FKRP: variants seen among roughly 807,000 people sequenced by gnomAD.
FKRP encodes the protein fukutin related protein.
In FKRP, 25 loss-of-function variants were observed where a neutral mutation model predicts 30.6. The observed-to-expected ratio is 0.82, with a 90% CI of 0.60 to 1.14. The LOEUF (loss-of-function observed/expected upper bound fraction) is 1.14. FKRP is among the 50% of genes most tolerant of loss of function. The probability of loss-of-function intolerance (pLI) is 0.00; values close to 1 mark genes in which losing one functional copy is unlikely to be tolerated. For missense variants in FKRP, 771 were observed against 727.8 expected, an observed-to-expected ratio of 1.06 and a Z score of -0.68; for synonymous variants, 358 against 342.5, an observed-to-expected ratio of 1.05 and a Z score of -0.50.
Position 46,758,458 on chromosome 19 carries a change from A to C in FKRP, c.*1520A>C, listed in dbSNP as rs948415246. 6.0e-6 allele frequency: 1 copy of C among 167,018 alleles called. No individual in the cohort carries two copies. The highest frequency in any genetic ancestry group is 2.4e-5 in the African/African-American group (1 of 41,420). 10.3% of individuals were successfully genotyped at this position (167,018 alleles called of 1,614,324 possible). On this transcript the variant is annotated 3_prime_UTR_variant, in exon 4 of 4. Coordinates refer to ENST00000318584, the MANE Select transcript of FKRP (RefSeq NM_024301.5). The stretch of plus-strand genomic sequence containing the variant: ...TACTATTATCTGTATGTTAGTAATA[A>C]AGCTTAAATTATTCCATTTTAAAAT...
rs1296390581 is a variant in FKRP, at chr19:46,746,087, G to A, written c.-256G>A. On this transcript the variant is annotated 5_prime_UTR_variant, in exon 1 of 4. Coordinates refer to ENST00000318584, the MANE Select transcript of FKRP (RefSeq NM_024301.5). ...CTCCAAGATGGCGGCGGCGGCGGCA[G>A]CGGGTGAGGCCGGGCCGGGCCGGGC... 3.4e-5 allele frequency: 45 copies of A among 1,310,382 alleles called. No homozygotes were observed. Among genetic ancestry groups the A allele is most frequent in the Non-Finnish European group, 4.1e-5 (42 of 1,023,664 alleles). The allele number at this position is 1,310,382 out of a possible 1,614,324, so 81.2% of individuals were successfully genotyped here. A position where few individuals can be genotyped will look rare whatever the true frequency, so the allele number is the denominator to read the frequency against.
rs1023194417 is a variant in FKRP at position 46,757,701 on chromosome 19, T to G, written c.*763T>G. 6.0e-6 allele frequency: 1 copy of G among 167,420 alleles called. No homozygotes were observed. 10.4% of individuals were successfully genotyped at this position (167,420 alleles called of 1,614,324 possible). The stretch of plus-strand genomic sequence containing the variant: ...ACCTGCATGCTACTCTTAACTGTTC[T>G]ATTCAAGACTGAATAGAAGTATTTC... On this transcript the variant is annotated 3_prime_UTR_variant, in exon 4 of 4. Transcript: ENST00000318584.
At chr19:46,746,218 A>G (rs2054603979) in intron 1 of FKRP, 128 bp downstream of exon 1, 3 of 1,536,604 alleles carry the variant, frequency 2.0e-6, no homozygotes. Context: ...CGTGCTGGAT[A>G]AAGTGCAGGA....
chr19:46,745,314 C>T (rs1472480019), upstream of FKRP, among the ~76,000 whole-genome samples: 1 of 152,150 alleles, frequency 6.6e-6, no homozygotes, highest in East Asian at 1.9e-4. Context: ...CATCCAGGCT[C>T]CTAGGGTACA....
intron 3 of FKRP, among the ~76,000 whole-genome samples, chr19:46,751,826 C>T (rs1266708572): frequency 6.6e-6 from 1 of 152,142 alleles, no homozygotes; most frequent in Non-Finnish European, 1.5e-5. Flanking sequence ...CTCGCCCTCC[C>T]AAAGTGCTGG....
Position 46,757,099 on chromosome 19 carries a change from G to A in FKRP, c.*161G>A, listed in dbSNP as rs1364217311. The A allele has an allele frequency of 7.2e-6, 7 of 971,996 alleles. No homozygotes were observed. In the East Asian group the frequency reaches 1.8e-4, roughly 26 times the overall value. 60.2% of individuals were successfully genotyped at this position (971,996 alleles called of 1,614,324 possible). ...CATGAGAGAAGGCTGGCATTGGCAG[G>A]AGGAGAGCACCAGGACGAGGATGGG... On this transcript the variant is annotated 3_prime_UTR_variant, in exon 4 of 4. Coordinates refer to ENST00000318584, the MANE Select transcript of FKRP (RefSeq NM_024301.5).
intron 1 of FKRP, chr19:46,746,462 G>A: frequency 2.0e-6 from 2 of 989,556 alleles, no homozygotes; most frequent in Middle Eastern, 5.1e-4. Context: ...CGCGCCCGCT[G>A]TGCCTCGCGC....
chr19:46,756,265 T>G lies in FKRP; in HGVS notation c.815T>G (p.Leu272Arg). 1 of 1,498,482 alleles carries G rather than the reference T, an allele frequency of 6.7e-7. No homozygotes were observed. The highest frequency in any genetic ancestry group is 8.9e-7 in the Non-Finnish European group (1 of 1,126,966). The allele number at this position is 1,498,482 out of a possible 1,614,324, so 92.8% of individuals were successfully genotyped here. Residue 272 changes from leucine to arginine, a missense_variant, in exon 4 of 4, where the codon CTG becomes CGG. Leu to Arg is a moderately radical substitution (Grantham distance 102). Transcript: ENST00000318584. This position sits in a 1 kb window ranked among gnomAD's most constrained non-coding sequence, Gnocchi z 6.6. ...RARRAALLRALGIRLVSWEGG... is the reference protein window; with the variant it reads ...RARRAALLRARGIRLVSWEGG... ...CGGCGGGCGGCGCTGCTCCGCGCGC[T>G]GGGCATCCGCCTAGTGAGCTGGGAA... is the stretch of plus-strand genomic sequence containing the variant.
At chr19:46,754,773 CT>C (rs2054872386) in intron 3 of FKRP, among the ~76,000 whole-genome samples, 1 of 150,288 alleles carries the variant, frequency 6.7e-6, no homozygotes, top group Admixed American at 6.6e-5. Context: ...ACCCAGCTAA[CT>C]TTTGTATTTT....
chr19:46,746,113 C>A lies in FKRP; in HGVS notation c.-253+23C>A, dbSNP rs978879395. 2.1e-6 allele frequency: 3 copies of A among 1,450,796 alleles called. No homozygotes were observed. The African/African-American group carries it at 4.5e-5, about 22-fold the overall frequency. 89.9% of individuals were successfully genotyped at this position (1,450,796 alleles called of 1,614,324 possible). On this transcript the variant is annotated intron_variant, in intron 1 of 3. Coordinates refer to ENST00000318584, the MANE Select transcript of FKRP (RefSeq NM_024301.5). ...CGGGTGAGGCCGGGCCGGGCCGGGCCGGGTTGGGGGTCGGGGGTCCCGGGA... is the reference window on the plus strand; with the variant it reads ...CGGGTGAGGCCGGGCCGGGCCGGGCAGGGTTGGGGGTCGGGGGTCCCGGGA...
chr19:46,754,150 C>G (rs917321384), intron 3 of FKRP: 4 of 152,146 alleles, frequency 2.6e-5, no homozygotes, highest in Non-Finnish European at 4.4e-5. Context: ...GCCATCCCCC[C>G]ACCTCAGCAT....
At chr19:46,753,821 GC>G (rs937466920) in intron 3 of FKRP, 12 of 152,138 alleles carry the variant, frequency 7.9e-5, no homozygotes, top group African/African-American at 2.9e-4. Flanking sequence ...TTAGTTGGAT[GC>G]CCCCTCTCTC....
Position 46,754,627 on chromosome 19 carries a change from G to A in FKRP, c.-39-785G>A, listed in dbSNP as rs572176272. ...ATTTATTTATTTATTTATTTTTCGA[G>A]ACGGAGTCTCGCTGTGTTGCCCAGG... On this transcript the variant is annotated intron_variant, in intron 3 of 3. Coordinates refer to ENST00000318584, the MANE Select transcript of FKRP (RefSeq NM_024301.5). Among the ~76,000 whole-genome samples the A allele has an allele frequency of 2.7e-4, 41 of 151,278 alleles. No homozygotes were observed. In the South Asian group the frequency reaches 8.3e-3, roughly 31 times the overall value.
intron 3 of FKRP, among the ~76,000 whole-genome samples, chr19:46,752,282 T>C (rs1245536923): frequency 6.6e-6 from 1 of 152,314 alleles, no homozygotes; most frequent in East Asian, 1.9e-4. Flanking sequence ...TCTCTTGCTG[T>C]GACCTTCAAG....
At chr19:46,746,113 C>T (rs978879395) in intron 1 of FKRP, 23 bp downstream of exon 1, 9 of 1,450,794 alleles carry the variant, frequency 6.2e-6, no homozygotes, top group Non-Finnish European at 8.2e-6. Context: ...CGGGCCGGGC[C>T]GGGTTGGGGG....
At chr19:46,747,969 T>C (rs888544738) in intron 1 of FKRP, 58 bp from the exon 2 acceptor site, 2 of 152,156 alleles carry the variant, frequency 1.3e-5, no homozygotes, top group African/African-American at 4.8e-5. Context: ...TAAGATGAAA[T>C]TGTGCTCTAT....
At chr19:46,745,945 C>T, upstream of FKRP, 1 of 550,262 alleles carries the variant, frequency 1.8e-6, no homozygotes, top group Non-Finnish European at 2.8e-6. Flanking sequence ...TCGGGCCGTC[C>T]CGGTCCCGTC....
In FKRP at chr19:46,756,359, C is replaced by G; in HGVS notation, c.909C>G (p.Asp303Glu). Residue 303 changes from aspartate (D) to glutamate (E), a missense_variant, in exon 4 of 4, where the codon GAC becomes GAG. By Grantham distance (45) the Asp-to-Glu change is conservative (BLOSUM62 2). Coordinates refer to ENST00000318584, the MANE Select transcript of FKRP (RefSeq NM_024301.5). This position sits in a 1 kb window ranked among gnomAD's most constrained non-coding sequence, Gnocchi z 6.6. ...GCTGCTTCGGAACCGTGGTGGGCGA[C>G]ACGCCCGCCTACCTCTACGAGGAGC... ...TTRCFGTVVGDTPAYLYEERW... is the reference protein window; with the variant it reads ...TTRCFGTVVGETPAYLYEERW... 2 of 1,559,328 alleles carry G rather than the reference C, an allele frequency of 1.3e-6. No individual in the cohort carries two copies. The highest frequency in any genetic ancestry group is 1.7e-6 in the Non-Finnish European group (2 of 1,154,648).
rs1349056465 is a variant in FKRP, at chr19:46,756,320, C to A, written c.870C>A (p.Asn290Lys). Residue 290 changes from asparagine to lysine, a missense_variant, in exon 4 of 4, where the codon AAC (asparagine) becomes AAA (lysine). Transcript: ENST00000318584. This position sits in a 1 kb window ranked among gnomAD's most constrained non-coding sequence, Gnocchi z 6.6. ...GGCGGCTGGAGTGGTTCGGCTGCAA[C>A]AAGGAGACCACGCGCTGCTTCGGAA... ...EGGRLEWFGC[N>K]KETTRCFGTV... The A allele has an allele frequency of 7.1e-6, 11 of 1,554,340 alleles. No individual in the cohort carries two copies. In the East Asian group the frequency reaches 2.6e-4, roughly 37 times the overall value.
Sources: allele counts gnomAD v4.1 joint callset (sites outside exome capture counted in the v4.1 genomes callset), GRCh38; gene constraint gnomAD v4.1.1; non-coding constraint Gnocchi (gnomAD v3.1); transcripts MANE v1.5; gene names NCBI Gene and HGNC (gene_info 2026-07-23, HGNC 2026-07-21).